Variants in CSMD1 observed in about 807,000 individuals in gnomAD.
CSMD1 encodes the protein CUB and sushi domain-containing protein 1.
Under a neutral mutation model 417.5 loss-of-function variants are expected in CSMD1, and 213 were observed. The ratio of observed to expected loss-of-function variants is 0.51; its 90% CI spans 0.46 to 0.57. The LOEUF (loss-of-function observed/expected upper bound fraction) is 0.57. Ranked by LOEUF, CSMD1 falls within the 20% of genes least tolerant of loss-of-function variation. The pLI is 0.00. For missense variants in CSMD1, 6,923 were observed against 4,529.7 expected (o/e 1.53, Z -15.17); for synonymous variants, 2,862 against 1,736.8 (o/e 1.65, Z -16.11).
chr8:2,950,372 C>T (rs1437501486), intron 66 of CSMD1, 29 bp from the exon 67 acceptor site: 1 of 1,410,158 alleles, frequency 7.1e-7, no homozygotes, highest in Non-Finnish European at 1.0e-6. Context: ...TTTAGGCTTA[C>T]CTTGGAGAAA....
intron 3 of CSMD1, among the ~76,000 whole-genome samples, chr8:4,289,185 C>G (rs1700107): frequency 0.066 from 10,110 of 152,176 alleles, 477 homozygotes; most frequent in South Asian, 0.19. Context: ...AACAGTTTAT[C>G]GGACAAATAC....
intron 5 of CSMD1, among the ~76,000 whole-genome samples, chr8:3,810,220 G>T (rs943673757): frequency 6.6e-6 from 1 of 152,166 alleles, no homozygotes; most frequent in Admixed American, 6.5e-5. Context: ...GTCTTTGACA[G>T]TATAGAGAAG....
chr8:3,737,611 C>G (rs17067256), intron 6 of CSMD1, among the ~76,000 whole-genome samples: 1 of 152,174 alleles, frequency 6.6e-6, no homozygotes, highest in Non-Finnish European at 1.5e-5. Context: ...AGATCACCCT[C>G]TCAGTTACTA....
intron 12 of CSMD1, among the ~76,000 whole-genome samples, chr8:3,468,403 C>G (rs931649649): frequency 1.3e-5 from 2 of 152,056 alleles, no homozygotes; most frequent in Non-Finnish European, 2.9e-5. Flanking sequence ...TCAGAGACAC[C>G]AGCCAATATG....
chr8:4,145,943 C>G (rs1406415245), intron 3 of CSMD1, among the ~76,000 whole-genome samples: 1 of 150,866 alleles, frequency 6.6e-6, no homozygotes, highest in East Asian at 1.9e-4. Context: ...TAAGACTGAC[C>G]ACGCTGTTTC....
chr8:3,222,176 T>A (rs773821227), intron 28 of CSMD1, among the ~76,000 whole-genome samples: 10 of 152,122 alleles, frequency 6.6e-5, no homozygotes, highest in Admixed American at 4.6e-4. Context: ...GCTTAGAGAT[T>A]ATCTGTTTCA....
intron 2 of CSMD1, among the ~76,000 whole-genome samples, chr8:4,491,594 C>T (rs1487757825): frequency 6.6e-6 from 1 of 152,076 alleles, no homozygotes; most frequent in Non-Finnish European, 1.5e-5. Flanking sequence ...TGAACAGACA[C>T]CTCATGAAAA....
intron 1 of CSMD1, among the ~76,000 whole-genome samples, chr8:4,975,970 A>C (rs1174100113): frequency 6.6e-6 from 1 of 152,232 alleles, no homozygotes; most frequent in Non-Finnish European, 1.5e-5. Context: ...ATCTGCTTGA[A>C]AAAGAAATAG....
At chr8:3,958,864 A>C (rs1812140884) in intron 5 of CSMD1, among the ~76,000 whole-genome samples, 1 of 152,224 alleles carries the variant, frequency 6.6e-6, no homozygotes, top group African/African-American at 2.4e-5. Flanking sequence ...TAAGTAGATG[A>C]TAATGGAAAA....
intron 10 of CSMD1, among the ~76,000 whole-genome samples, chr8:3,499,589 AGTGTGCC>A (rs1365675363): frequency 6.6e-6 from 1 of 151,974 alleles, no homozygotes; most frequent in Non-Finnish European, 1.5e-5. Context: ...GCTTGTTGGT[AGTGTGCC>A]TCAAGAATTC....
At chr8:3,566,968 A>T (rs12681502) in intron 10 of CSMD1, among the ~76,000 whole-genome samples, 92,413 of 152,124 alleles carry the variant, frequency 0.61, 28,319 homozygotes, top group African/African-American at 0.65. Context: ...ATAAAGACAC[A>T]TGCAGGTATA....
intron 7 of CSMD1, among the ~76,000 whole-genome samples, chr8:3,686,049 C>T (rs1437233635): frequency 8.6e-5 from 13 of 152,002 alleles, no homozygotes; most frequent in Admixed American, 5.9e-4. Flanking sequence ...ATGCTCCTTG[C>T]CCCCACCCCT....
At chr8:3,796,807 T>C (rs979681093) in intron 5 of CSMD1, among the ~76,000 whole-genome samples, 2 of 151,428 alleles carry the variant, frequency 1.3e-5, no homozygotes, top group African/African-American at 2.4e-5. Flanking sequence ...TTCATTTTCA[T>C]GGTATCAACA....
At chr8:4,506,591 T>C (rs1331097097) in intron 2 of CSMD1, among the ~76,000 whole-genome samples, 2 of 152,118 alleles carry the variant, frequency 1.3e-5, no homozygotes, top group African/African-American at 4.8e-5. Context: ...GTCACTACCA[T>C]TCTAAACACT....
intron 3 of CSMD1, among the ~76,000 whole-genome samples, chr8:4,063,379 G>C (rs1261094450): frequency 1.3e-5 from 2 of 151,852 alleles, no homozygotes; most frequent in African/African-American, 2.4e-5. Context: ...TTAAATATCA[G>C]ACAAGTAAAC....
At chr8:4,008,874 T>C (rs963313428) in intron 4 of CSMD1, among the ~76,000 whole-genome samples, 2 of 152,066 alleles carry the variant, frequency 1.3e-5, no homozygotes, top group African/African-American at 2.4e-5. Flanking sequence ...CCTCCCAAAG[T>C]GCTGGGATTA....
intron 10 of CSMD1, among the ~76,000 whole-genome samples, chr8:3,494,183 TTA>T (rs150511312): frequency 0.015 from 2,331 of 152,296 alleles, 53 homozygotes; most frequent in African/African-American, 0.051. Context: ...CCAAAAGACT[TTA>T]TGAGGATACA....
chr8:3,029,496 T>G lies in CSMD1; in HGVS notation c.7678A>C (p.Ile2560Leu). 1 of 1,600,358 alleles carries G rather than the reference T, an allele frequency of 6.2e-7. No individual in the cohort carries two copies. The highest frequency in any genetic ancestry group is 1.7e-5 in the Admixed American group (1 of 57,680). The change falls in exon 51 of 70, where the codon ATT (isoleucine) becomes CTT (leucine). Residue 2560 changes from isoleucine to leucine, a missense_variant. Ile to Leu is a conservative substitution (Grantham distance 5, BLOSUM62 2). Coordinates refer to ENST00000635120, the MANE Select transcript of CSMD1 (RefSeq NM_033225.6). ...ACATGTTCTGAGAGCTGAGCTTCAA[T>G]GCTGGGGCAAGCGACCGCTGGAAGG... ...PTCKPVACPS[I>L]EAQLSEHVIW...
At chr8:4,758,119 T>C (rs1055615171) in intron 1 of CSMD1, among the ~76,000 whole-genome samples, 12 of 152,148 alleles carry the variant, frequency 7.9e-5, no homozygotes, top group Admixed American at 7.2e-4. Context: ...AAGGAAATAA[T>C]TGGCAACATT....
Sources: allele counts gnomAD v4.1 joint callset (sites outside exome capture counted in the v4.1 genomes callset), GRCh38; gene constraint gnomAD v4.1.1; transcripts MANE v1.5; gene names NCBI Gene and HGNC (gene_info 2026-07-23, HGNC 2026-07-21).